SEL1L3: variants seen among roughly 807,000 people sequenced by gnomAD.
The protein encoded by SEL1L3 is protein sel-1 homolog 3.
SEL1L3 carries 76 observed loss-of-function variants against 142.8 expected under a neutral mutation model. The observed-to-expected ratio is 0.53, with a 90% CI of 0.44 to 0.64. SEL1L3 has a LOEUF of 0.64. Ranked by LOEUF, SEL1L3 falls within the 30% of genes least tolerant of loss-of-function variation. The probability of loss-of-function intolerance (pLI) is 0.00; values close to 1 mark genes in which losing one functional copy is unlikely to be tolerated. For missense variants in SEL1L3, 1,262 were observed against 1,381.7 expected, an observed-to-expected ratio of 0.91 and a Z score of 1.37; for synonymous variants, 504 against 519.6, an observed-to-expected ratio of 0.97 and a Z score of 0.41.
chr4:25,815,895 T>C (rs1660309816), intron 9 of SEL1L3, among the ~76,000 whole-genome samples: 1 of 150,738 alleles, frequency 6.6e-6, no homozygotes, highest in African/African-American at 2.4e-5. Context: ...TATCTAGTTG[T>C]GGAGTCCAGA....
At chr4:25,732,524 C>T in the SEL1L3 span, among the ~76,000 whole-genome samples, 1 of 152,138 alleles carries the variant, frequency 6.6e-6, no homozygotes, top group African/African-American at 2.4e-5. Context: ...TTAACTTTAG[C>T]TATGATAATG....
At chr4:25,740,146 C>A in the SEL1L3 span, among the ~76,000 whole-genome samples, 22,354 of 151,306 alleles carry the variant, frequency 0.15, 1,869 homozygotes, top group Middle Eastern at 0.23. Flanking sequence ...AAATCTAGTT[C>A]CTAGTGGCCG....
chr4:25,732,312 A>G, the SEL1L3 span, among the ~76,000 whole-genome samples: 23 of 152,322 alleles, frequency 1.5e-4, no homozygotes, highest in African/African-American at 5.1e-4. Flanking sequence ...ATCCCATGCA[A>G]TATTTAGAGC....
the SEL1L3 span, among the ~76,000 whole-genome samples, chr4:25,730,532 G>T: frequency 6.6e-6 from 1 of 152,062 alleles, no homozygotes; most frequent in African/African-American, 2.4e-5. Context: ...TCTGTAAGTA[G>T]ATGTAAGGGT....
intron 1 of SEL1L3, among the ~76,000 whole-genome samples, chr4:25,856,609 A>C (rs577826570): frequency 0.011 from 1,660 of 151,260 alleles, 35 homozygotes; most frequent in African/African-American, 0.038. Flanking sequence ...AAAAAAAAAA[A>C]AAAACAAAGA....
At chr4:25,830,276 G>A (rs775252673) in intron 5 of SEL1L3, 120 bp from the exon 6 acceptor site, 14 of 593,110 alleles carry the variant, frequency 2.4e-5, no homozygotes, top group Admixed American at 6.8e-5. Flanking sequence ...ATCAGTTTCT[G>A]CAAAAATAAA....
At chr4:25,754,246 G>A (rs1029248652) in intron 23 of SEL1L3, among the ~76,000 whole-genome samples, 3 of 151,540 alleles carry the variant, frequency 2.0e-5, no homozygotes, top group South Asian at 2.1e-4. Flanking sequence ...AGGTTGTGGC[G>A]AGCTGAGATT....
intron 9 of SEL1L3, among the ~76,000 whole-genome samples, chr4:25,806,077 C>T (rs1349961569): frequency 1.6e-4 from 22 of 135,062 alleles, no homozygotes; most frequent in Non-Finnish European, 3.1e-4. Context: ...CTTGCTCTGT[C>T]GCCCAGGCTG....
rs533452309 is a variant in SEL1L3, at chr4:25,810,903, G to A, written c.1565-6151C>T. On this transcript the variant is annotated intron_variant, in intron 9 of 23. Coordinates refer to ENST00000399878, the MANE Select transcript of SEL1L3 (RefSeq NM_015187.5). The stretch of plus-strand genomic sequence containing the variant: ...GCCCCGCCATGTTTAATTCAAAGGC[G>A]TGCCCGCTCTGGGAGGCGAGGAACG... Among the ~76,000 whole-genome samples, 23 of 152,354 alleles carry A rather than the reference G, an allele frequency of 1.5e-4. No homozygotes were observed. In the South Asian group the frequency reaches 2.9e-3, roughly 19 times the overall value.
At chr4:25,863,479 T>C (rs2109338011), upstream of SEL1L3, 1 of 702,666 alleles carries the variant, frequency 1.4e-6, no homozygotes, top group South Asian at 1.5e-5. Context: ...TGCAATGGGT[T>C]TTTGTCTGGT....
Position 25,777,941 on chromosome 4 carries a change from G to GTC in SEL1L3, c.2585+1133_2585+1134dup. The GTC allele has an allele frequency of 1.3e-5, 6 of 445,100 alleles. No individual in the cohort carries two copies. The Middle Eastern group carries it at 1.7e-3, about 124-fold the overall frequency. The allele number at this position is 445,100 out of a possible 1,614,324, so 27.6% of individuals were successfully genotyped here. On this transcript the variant is annotated intron_variant, in intron 16 of 23. Transcript: ENST00000399878. ...TCTTAAGCTTTGTGGGCCACATATA[G>GTC]TCTCTGTTGCATATTCTTCTTTATT...
intron 1 of SEL1L3, among the ~76,000 whole-genome samples, chr4:25,855,590 T>C (rs549513765): frequency 5.2e-4 from 79 of 152,248 alleles, no homozygotes; most frequent in African/African-American, 1.9e-3. Context: ...ACCTTGTCTC[T>C]GCTAAAAATA....
chr4:25,724,736 C>CAAAAAAAAAAAAAAAAAAAA, the SEL1L3 span, among the ~76,000 whole-genome samples: 2 of 6,004 alleles, frequency 3.3e-4, no homozygotes, highest in Non-Finnish European at 5.4e-4. Flanking sequence ...GACTCCAACT[C>CAAAAAAAAAAAAAAAAAAAA]AAAAAAAAAA....
chr4:25,819,330 CAA>C (rs1714602605), intron 8 of SEL1L3, among the ~76,000 whole-genome samples: 1 of 139,158 alleles, frequency 7.2e-6, no homozygotes, highest in East Asian at 2.0e-4. Context: ...GAGTCAATTT[CAA>C]GGATTTAAAA....
At chr4:25,714,435 T>C in the SEL1L3 span, among the ~76,000 whole-genome samples, 18 of 152,332 alleles carry the variant, frequency 1.2e-4, no homozygotes, top group Non-Finnish European at 1.5e-5. Context: ...ATTCAATAAA[T>C]GGTACAGCTA....
chr4:25,788,458 G>GT lies in SEL1L3; in HGVS notation c.2077-95dup. The stretch of plus-strand genomic sequence containing the variant: ...TGGGAGAGCAAACCTACTTTACGAT[G>GT]TTTTAGATTGAGAACCAAGGATTAG... On this transcript the variant is annotated intron_variant, in intron 12 of 23. Transcript: ENST00000399878. This position sits in a 1 kb window ranked among gnomAD's most constrained non-coding sequence, Gnocchi z 5.3. 1 of 1,291,990 alleles carries GT rather than the reference G, an allele frequency of 7.7e-7. No individual in the cohort carries two copies. Among genetic ancestry groups the GT allele is most frequent in the Non-Finnish European group, 1.1e-6 (1 of 927,586 alleles). The allele number at this position is 1,291,990 out of a possible 1,614,324, so 80.0% of individuals were successfully genotyped here.
intron 9 of SEL1L3, among the ~76,000 whole-genome samples, chr4:25,805,155 A>G (rs543839463): frequency 2.0e-5 from 3 of 152,330 alleles, no homozygotes; most frequent in Non-Finnish European, 4.4e-5. Flanking sequence ...TACTGCTCTA[A>G]AAAGTTGAGC....
At chr4:25,731,134 A>T in the SEL1L3 span, among the ~76,000 whole-genome samples, 2 of 152,240 alleles carry the variant, frequency 1.3e-5, no homozygotes, top group African/African-American at 4.8e-5. Context: ...TCAAAGGGAC[A>T]TTAAAACACA....
chr4:25,724,867 C>G, the SEL1L3 span, among the ~76,000 whole-genome samples: 1 of 151,696 alleles, frequency 6.6e-6, no homozygotes, highest in East Asian at 1.9e-4. Context: ...GCCCTCAGGG[C>G]TGGTGGATCA....
Sources: gnomAD v4.1 joint callset for allele counts (sites outside exome capture counted in the v4.1 genomes callset) on GRCh38, gnomAD v4.1.1 for gene constraint, Gnocchi (gnomAD v3.1) non-coding constraint, MANE v1.5 for transcripts, NCBI Gene and HGNC (gene_info 2026-07-23, HGNC 2026-07-21) for gene names.